Variants in RBM17 observed in about 807,000 individuals in gnomAD.
The protein encoded by RBM17 is RNA binding motif protein 17.
In RBM17, 7 loss-of-function variants were observed where a neutral mutation model predicts 53.2. The observed-to-expected ratio is 0.13, with a 90% CI of 0.07 to 0.25. RBM17 has a LOEUF of 0.25. Among genes scored for constraint, RBM17 ranks in the 10% least tolerant of loss-of-function variants. The pLI is 1.00. For missense variants in RBM17, 257 were observed against 496.7 expected (o/e 0.52, Z 4.59); for synonymous variants, 167 against 178.1 (o/e 0.94, Z 0.50).
At chr10:6,102,059 A>G (rs1390109576) in intron 3 of RBM17, among the ~76,000 whole-genome samples, 3 of 152,228 alleles carry the variant, frequency 2.0e-5, no homozygotes, top group Admixed American at 6.5e-5. Flanking sequence ...ACTAGACAAA[A>G]TGAGGTAAAA....
intron 3 of RBM17, 30 bp downstream of exon 3, chr10:6,101,417 A>T: frequency 7.1e-7 from 1 of 1,408,840 alleles, no homozygotes; most frequent in Non-Finnish European, 1.0e-6. Flanking sequence ...TGAGCTTGAT[A>T]CGTGTCTCTG....
Position 6,110,094 on chromosome 10 carries a change from C to G in RBM17, c.671C>G (p.Thr224Ser), listed in dbSNP as rs376906335. Residue 224 changes from threonine (T) to serine (S), a missense_variant, in exon 7 of 12, where the codon ACC (threonine) becomes AGC (serine). Thr to Ser is a moderately conservative substitution (Grantham distance 58). Coordinates refer to ENST00000379888, the MANE Select transcript of RBM17 (RefSeq NM_032905.5). ...YEEQDRPRSP[T>S]GPSNSFLANM... ...GAACAAGACAGACCGAGATCTCCAACCGGACCTAGCAACTCCTTCCTCGCT... is the reference window on the plus strand; with the variant it reads ...GAACAAGACAGACCGAGATCTCCAAGCGGACCTAGCAACTCCTTCCTCGCT... 6.2e-7 allele frequency: 1 copy of G among 1,611,072 alleles called. No homozygotes were observed.
chr10:6,102,724 C>G (rs972563034), intron 3 of RBM17, among the ~76,000 whole-genome samples: 4 of 152,164 alleles, frequency 2.6e-5, no homozygotes, highest in Non-Finnish European at 4.4e-5. Flanking sequence ...ATAATTTACA[C>G]AAGTATTCCC....
At chr10:6,097,277 C>G in intron 2 of RBM17, 89 bp downstream of exon 2, 1 of 1,366,686 alleles carries the variant, frequency 7.3e-7, no homozygotes, top group Non-Finnish European at 1.0e-6. Flanking sequence ...GCTTGCTCTT[C>G]TGCCTTTGTA....
chr10:6,096,917 C>A, intron 1 of RBM17, 131 bp from the exon 2 acceptor site: 1 of 672,810 alleles, frequency 1.5e-6, no homozygotes, highest in Non-Finnish European at 2.5e-6. Flanking sequence ...ATTAATGGTA[C>A]CAGGAGCCTG....
At position 6,089,279 on chromosome 10, in the gene RBM17, C is replaced by T. The variant is rs1313515757; in HGVS notation, c.-19+86C>T. On this transcript the variant is annotated intron_variant, in intron 1 of 11. Transcript: ENST00000379888. This position sits in a 1 kb window ranked among gnomAD's most constrained non-coding sequence, Gnocchi z 5.6. ...TTCCCGGGAGGCGCTAGACGCAAGC[C>T]CGCGGCTTTAGGCCCGTCGCGAGGG... The T allele has an allele frequency of 6.6e-6, 1 of 152,034 alleles. No homozygotes were observed. Among genetic ancestry groups the T allele is most frequent in the Non-Finnish European group, 1.5e-5 (1 of 68,022 alleles). The allele number at this position is 152,034 out of a possible 1,614,324, so 9.4% of individuals were successfully genotyped here.
rs963748373 is a variant in RBM17 at position 6,101,587 on chromosome 10, A to G, written c.240+200A>G. ...AAATTAAATAGTTTGTTGTAGAAAAATCAGAAACTAGAGATACGCAGAAAG... is the reference window on the plus strand; with the variant it reads ...AAATTAAATAGTTTGTTGTAGAAAAGTCAGAAACTAGAGATACGCAGAAAG... On this transcript the variant is annotated intron_variant, in intron 3 of 11. Coordinates refer to ENST00000379888, the MANE Select transcript of RBM17 (RefSeq NM_032905.5). Among the ~76,000 whole-genome samples, 48 of 152,332 alleles carry G rather than the reference A, an allele frequency of 3.2e-4. 1 individual carries two copies. Among genetic ancestry groups the G allele is most frequent in the African/African-American group, 1.1e-3 (44 of 41,574 alleles).
At chr10:6,115,417 G>A in intron 11 of RBM17, 36 bp from the exon 12 acceptor site, 2 of 1,537,688 alleles carry the variant, frequency 1.3e-6, no homozygotes, top group Non-Finnish European at 1.8e-6. Context: ...TATCTTATAG[G>A]ATACCTGTAT....
intron 7 of RBM17, among the ~76,000 whole-genome samples, chr10:6,110,674 T>C (rs1332046744): frequency 1.3e-5 from 2 of 152,180 alleles, no homozygotes; most frequent in Non-Finnish European, 1.5e-5. Context: ...GTTAAGAGGA[T>C]ATTCTGTGTT....
intron 6 of RBM17, 121 bp from the exon 7 acceptor site, chr10:6,109,865 C>G: frequency 1.3e-6 from 1 of 757,930 alleles, no homozygotes; most frequent in South Asian, 3.0e-5. Flanking sequence ...TGGTGTTTTT[C>G]TCTCCTTGTG....
intron 6 of RBM17, among the ~76,000 whole-genome samples, chr10:6,108,979 T>C (rs1840797500): frequency 6.6e-6 from 1 of 152,254 alleles, no homozygotes; most frequent in East Asian, 1.9e-4. Flanking sequence ...TCCATCTCTT[T>C]TTTATGCAAT....
chr10:6,098,574 T>C (rs991372295), intron 2 of RBM17, among the ~76,000 whole-genome samples: 2 of 121,988 alleles, frequency 1.6e-5, no homozygotes, highest in Admixed American at 8.3e-5. Flanking sequence ...TTTTTTTTTT[T>C]TTTTTTTTTT....
intron 11 of RBM17, 62 bp from the exon 12 acceptor site, chr10:6,115,387 TTTAA>T (rs1840898963): frequency 6.5e-7 from 1 of 1,536,186 alleles, no homozygotes; most frequent in Admixed American, 1.7e-5. Context: ...AAAGTTACTG[TTTAA>T]TTAAAGTTAA....
At chr10:6,113,884 A>T (rs2274358) in intron 9 of RBM17, 165 bp from the exon 10 acceptor site, 2 of 602,680 alleles carry the variant, frequency 3.3e-6, no homozygotes, top group South Asian at 4.2e-5. Context: ...TATATGTTTT[A>T]GTGTTTTAAG....
At chr10:6,103,794 G>T (rs1840704812) in intron 3 of RBM17, among the ~76,000 whole-genome samples, 1 of 152,140 alleles carries the variant, frequency 6.6e-6, no homozygotes, top group Non-Finnish European at 1.5e-5. Context: ...TTCGATTTAG[G>T]TCTGTTAATA....
intron 7 of RBM17, among the ~76,000 whole-genome samples, chr10:6,110,830 C>G (rs1840826313): frequency 6.6e-6 from 1 of 152,142 alleles, no homozygotes; most frequent in Admixed American, 6.6e-5. Context: ...TCACTAGTCT[C>G]CTTTCAAGTG....
chr10:6,113,417 T>C, intron 8 of RBM17, 91 bp from the exon 9 acceptor site: 1 of 856,272 alleles, frequency 1.2e-6, no homozygotes, highest in Non-Finnish European at 1.9e-6. Context: ...TGAAATTAAA[T>C]TAATTATTGT....
At position 6,112,644 on chromosome 10, in the gene RBM17, C is replaced by T. The variant is rs1171170048; in HGVS notation, c.856+283C>T. Reference sequence around the variant, plus strand: ...AGGAAAAGATGGTGAGAGACTTGGGCAGAAAATGAGTAGTCCTCAGGAAGA... The same window carrying T: ...AGGAAAAGATGGTGAGAGACTTGGGTAGAAAATGAGTAGTCCTCAGGAAGA... On this transcript the variant is annotated intron_variant, in intron 8 of 11. Coordinates refer to ENST00000379888, the MANE Select transcript of RBM17 (RefSeq NM_032905.5). This position sits in a 1 kb window ranked among gnomAD's most constrained non-coding sequence, Gnocchi z 4.4. 12 of 442,724 alleles carry T rather than the reference C, an allele frequency of 2.7e-5. No individual in the cohort carries two copies. Among genetic ancestry groups the T allele is most frequent in the African/African-American group, 8.0e-5 (4 of 49,888 alleles). 27.4% of individuals were successfully genotyped at this position (442,724 alleles called of 1,614,324 possible).
intron 9 of RBM17, 150 bp downstream of exon 9, chr10:6,113,731 T>C: frequency 3.1e-6 from 2 of 639,548 alleles, no homozygotes; most frequent in East Asian, 2.6e-5. Context: ...ATTTTAGATT[T>C]TTCACTAATG....
Sources: allele counts gnomAD v4.1 joint callset (sites outside exome capture counted in the v4.1 genomes callset), GRCh38; gene constraint gnomAD v4.1.1; non-coding constraint Gnocchi (gnomAD v3.1); transcripts MANE v1.5; gene names NCBI Gene and HGNC (gene_info 2026-07-23, HGNC 2026-07-21).